RASGRP3: variants seen among roughly 807,000 people sequenced by gnomAD.
The protein encoded by RASGRP3 is RAS guanyl releasing protein 3.
Under a neutral mutation model 82.7 loss-of-function variants are expected in RASGRP3, and 54 were observed. That is an observed-to-expected ratio of 0.65 (90% CI 0.52 to 0.82). The LOEUF (loss-of-function observed/expected upper bound fraction) is 0.82, where lower values mean the gene tolerates loss of function less well. RASGRP3 is among the 40% of genes least tolerant of loss of function. RASGRP3 has a pLI of 0.00. For missense variants in RASGRP3, 861 were observed against 828.9 expected, an observed-to-expected ratio of 1.04 and a Z score of -0.48; for synonymous variants, 309 against 300.5, an observed-to-expected ratio of 1.03 and a Z score of -0.29.
At chr2:33,464,749 G>C (rs925711415) in intron 2 of RASGRP3, among the ~76,000 whole-genome samples, 1 of 152,136 alleles carries the variant, frequency 6.6e-6, no homozygotes, top group Non-Finnish European at 1.5e-5. Flanking sequence ...AGTATTAAAT[G>C]TGTGAGCCAC....
intron 13 of RASGRP3, among the ~76,000 whole-genome samples, chr2:33,547,053 GAAAAAAAAAAA>G (rs767124838): frequency 8.1e-6 from 1 of 123,924 alleles, no homozygotes; most frequent in African/African-American, 2.9e-5. Flanking sequence ...CTGTCTCAGG[GAAAAAAAAAAA>G]AAAAAAAAAA....
rs149989419 is a variant in RASGRP3 at position 33,478,536 on chromosome 2, G to A, written c.-261+1829G>A. 1.2e-4 allele frequency among the ~76,000 whole-genome samples: 19 copies of A among 152,308 alleles called. No homozygotes were observed. In the East Asian group the frequency reaches 3.7e-3, roughly 29 times the overall value. On this transcript the variant is annotated intron_variant, in intron 1 of 17. Transcript: ENST00000403687. ...AATAAAATGGAATGTCTAAATGGGA[G>A]CAGTTGAATTATCCAACTGCTGTAT...
At position 33,547,919 on chromosome 2, in the gene RASGRP3, G is replaced by A. The variant is rs142407878; in HGVS notation, c.1395-1685G>A. Among the ~76,000 whole-genome samples the A allele has an allele frequency of 3.3e-4, 50 of 152,198 alleles. 1 individual carries two copies. The East Asian group carries it at 7.9e-3, about 24-fold the overall frequency. On this transcript the variant is annotated intron_variant, in intron 13 of 17. Coordinates refer to ENST00000403687, the MANE Select transcript of RASGRP3 (RefSeq NM_001139488.2). ...CGCCAAAAGAAGGAAACATGTCTCC[G>A]TGTTACCTCCTGCCAATGAGAAAAG...
chr2:33,440,463 T>C (rs1039034817), intron 1 of RASGRP3, among the ~76,000 whole-genome samples: 7 of 152,182 alleles, frequency 4.6e-5, no homozygotes, highest in Middle Eastern at 3.2e-3. Flanking sequence ...GAGACTCATA[T>C]ACAGAATGTT....
At position 33,558,761 on chromosome 2, in the gene RASGRP3, C is replaced by A. The variant is rs1372082644; in HGVS notation, c.1795C>A (p.Arg599Ser). 3 of 1,613,982 alleles carry A rather than the reference C, an allele frequency of 1.9e-6. No individual in the cohort carries two copies. The stretch of plus-strand genomic sequence containing the variant: ...CATCACACTGGTTACAGGCTCTTCT[C>A]GCAAGATCTCTGTGAGGCTACAGAG... The part of the protein sequence containing the change: ...RAITLVTGSS[R>S]KISVRLQRAT... Residue 599 changes from arginine (R) to serine (S), a missense_variant, in exon 17 of 18, where the codon CGC becomes AGC. Physicochemically the swap from Arg to Ser is moderately radical, Grantham distance 110. Coordinates refer to ENST00000403687, the MANE Select transcript of RASGRP3 (RefSeq NM_001139488.2).
chr2:33,522,002 C>A lies in RASGRP3; in HGVS notation c.416C>A (p.Ser139Tyr). ...AGAGTCACACAGAGGAAAAAAGTAT[C>A]CAAGAAGGGAAAAGCCTGTCTGCTG... ...MRRVTQRKKV[S>Y]KKGKACLLFD... Residue 139 changes from serine (S) to tyrosine (Y), a missense_variant, in exon 7 of 18, where the codon TCC becomes TAC. Physicochemically the swap from Ser to Tyr is moderately radical, Grantham distance 144. Transcript: ENST00000403687. 6.2e-7 allele frequency: 1 copy of A among 1,613,856 alleles called. No individual in the cohort carries two copies. The highest frequency in any genetic ancestry group is 8.5e-7 in the Non-Finnish European group (1 of 1,179,828).
At chr2:33,520,711 A>G (rs1461703991) in intron 6 of RASGRP3, 27 bp downstream of exon 6, 1 of 1,612,474 alleles carries the variant, frequency 6.2e-7, no homozygotes, top group South Asian at 1.1e-5. Context: ...CGTCTTTCAC[A>G]CCCAATAAGT....
intron 1 of RASGRP3, among the ~76,000 whole-genome samples, chr2:33,441,130 G>A (rs1170678909): frequency 1.3e-5 from 2 of 152,118 alleles, no homozygotes; most frequent in African/African-American, 4.8e-5. Context: ...GACCTCAAAT[G>A]ATCCTCCTGC....
intron 3 of RASGRP3, among the ~76,000 whole-genome samples, chr2:33,515,479 T>C (rs981045256): frequency 5.9e-5 from 9 of 152,220 alleles, no homozygotes; most frequent in Non-Finnish European, 1.2e-4. Context: ...TCATATTCCC[T>C]TCACTGAAAT....
At chr2:33,476,744 T>TTTCA (rs398104165) in intron 1 of RASGRP3, 37 bp downstream of exon 1, 58 of 140,136 alleles carry the variant, frequency 4.1e-4, no homozygotes, top group African/African-American at 1.5e-3. Context: ...TCTCTCTCTC[T>TTTCA]TTCATTCCCT....
chr2:33,556,971 C>G (rs955188092), intron 15 of RASGRP3, among the ~76,000 whole-genome samples: 6 of 150,498 alleles, frequency 4.0e-5, no homozygotes, highest in African/African-American at 1.2e-4. Context: ...TTTGGATTAT[C>G]TCTTGTATTT....
In RASGRP3 at chr2:33,547,342, C is replaced by CTTTTTTTTTTTTTTTTTTT. The variant is rs59601670; in HGVS notation, c.1395-2251_1395-2233dup. Among the ~76,000 whole-genome samples, 8 of 68,178 alleles carry CTTTTTTTTTTTTTTTTTTT rather than the reference C, an allele frequency of 1.2e-4. 1 individual carries two copies. Among genetic ancestry groups the CTTTTTTTTTTTTTTTTTTT allele is most frequent in the Admixed American group, 4.9e-4 (2 of 4,046 alleles). The allele number at this position is 68,178 out of a possible 152,430, so 44.7% of individuals were successfully genotyped here. ...CCCGCAAGCTTGAGAATATAGAATC[C>CTTTTTTTTTTTTTTTTTTT]TTTTTTTTTTTTTTTTTTTTTTTTT... On this transcript the variant is annotated intron_variant, in intron 13 of 17. Coordinates refer to ENST00000403687, the MANE Select transcript of RASGRP3 (RefSeq NM_001139488.2).
At chr2:33,477,627 A>G (rs1032357472) in intron 1 of RASGRP3, among the ~76,000 whole-genome samples, 1 of 152,242 alleles carries the variant, frequency 6.6e-6, no homozygotes, top group African/African-American at 2.4e-5. Context: ...GGCGAGCAGC[A>G]AAGCAGGCAC....
At chr2:33,445,521 C>T (rs1665452239) in intron 1 of RASGRP3, among the ~76,000 whole-genome samples, 1 of 152,152 alleles carries the variant, frequency 6.6e-6, no homozygotes, top group African/African-American at 2.4e-5. Context: ...TCTGAATTCA[C>T]TTTACATTTT....
chr2:33,447,667 C>T (rs939868120), intron 1 of RASGRP3, among the ~76,000 whole-genome samples: 3 of 152,224 alleles, frequency 2.0e-5, no homozygotes, highest in South Asian at 2.1e-4. Context: ...TCAAGTGATT[C>T]GACCGCCTTG....
intron 10 of RASGRP3, 33 bp from the exon 11 acceptor site, chr2:33,534,290 C>A (rs1428257236): frequency 1.4e-6 from 2 of 1,399,488 alleles, no homozygotes; most frequent in Non-Finnish European, 2.0e-6. Context: ...TAAATGTAAT[C>A]CGACATTTTT....
Position 33,520,441 on chromosome 2 carries a change from C to G in RASGRP3, c.237-112C>G, listed in dbSNP as rs554007237. On this transcript the variant is annotated intron_variant, in intron 5 of 17. Coordinates refer to ENST00000403687, the MANE Select transcript of RASGRP3 (RefSeq NM_001139488.2). ...GGAGATGGCTAATTTGAAGTGTGGT[C>G]CTGGATGGTCCTGGACTTGGTGTTA... 90 of 1,363,968 alleles carry G rather than the reference C, an allele frequency of 6.6e-5. No individual in the cohort carries two copies. The African/African-American group carries it at 1.2e-3, about 17-fold the overall frequency. 84.5% of individuals were successfully genotyped at this position (1,363,968 alleles called of 1,614,324 possible).
chr2:33,500,005 CA>C (rs1389565304), intron 1 of RASGRP3, among the ~76,000 whole-genome samples: 2 of 152,114 alleles, frequency 1.3e-5, no homozygotes, highest in Non-Finnish European at 2.9e-5. Context: ...CACTGAGTGC[CA>C]AAATCCACCT....
At chr2:33,558,036 A>G (rs926223148) in intron 15 of RASGRP3, among the ~76,000 whole-genome samples, 175 bp from the exon 16 acceptor site, 1 of 152,124 alleles carries the variant, frequency 6.6e-6, no homozygotes, top group Non-Finnish European at 1.5e-5. Flanking sequence ...AGGCAAGTGC[A>G]GACCAATGGC....
Sources: allele counts gnomAD v4.1 joint callset (sites outside exome capture counted in the v4.1 genomes callset), GRCh38; gene constraint gnomAD v4.1.1; transcripts MANE v1.5; gene names NCBI Gene and HGNC (gene_info 2026-07-23, HGNC 2026-07-21).